RUNX1: variants seen among roughly 807,000 people sequenced by gnomAD.
RUNX1 encodes runt-related transcription factor 1.
RUNX1 carries 19 observed loss-of-function variants against 42.8 expected under a neutral mutation model. The observed-to-expected ratio is 0.44, with a 90% CI of 0.31 to 0.65. RUNX1 has a LOEUF of 0.65. Among genes scored for constraint, RUNX1 ranks in the 30% least tolerant of loss-of-function variants. The probability of loss-of-function intolerance (pLI) is 0.07; values close to 1 mark genes in which losing one functional copy is unlikely to be tolerated. For synonymous variants in RUNX1, 271 were observed against 289.4 expected (o/e 0.94, Z 0.64); for missense variants, 528 against 672.0 (o/e 0.79, Z 2.37).
chr21:34,896,566 C>T (rs904130859), intron 2 of RUNX1, among the ~76,000 whole-genome samples: 1 of 152,050 alleles, frequency 6.6e-6, no homozygotes, highest in African/African-American at 2.4e-5. Context: ...ACCTGTAATC[C>T]CAGCTATTCA....
At chr21:34,891,664 C>A (rs1466459371) in intron 3 of RUNX1, among the ~76,000 whole-genome samples, 1 of 151,412 alleles carries the variant, frequency 6.6e-6, no homozygotes, top group African/African-American at 2.4e-5. Flanking sequence ...CCCAGTGTTT[C>A]CCTGGAGTAA....
chr21:35,047,549 A>ACT (rs1262198638), intron 2 of RUNX1, among the ~76,000 whole-genome samples: 376 of 107,390 alleles, frequency 3.5e-3, no homozygotes, highest in Middle Eastern at 5.3e-3. Flanking sequence ...ACACACACAC[A>ACT]CACACACACA....
chr21:35,039,598 C>G (rs1263318214), intron 2 of RUNX1, among the ~76,000 whole-genome samples: 1 of 152,032 alleles, frequency 6.6e-6, no homozygotes, highest in Admixed American at 6.5e-5. Flanking sequence ...TCTCAGGGTT[C>G]ACTTATTTTT....
At chr21:34,892,873 A>G in intron 3 of RUNX1, 52 bp downstream of exon 3, 1 of 1,026,288 alleles carries the variant, frequency 9.7e-7, no homozygotes, top group East Asian at 2.4e-5. Context: ...TCATATACAC[A>G]TCTATGAAGG....
chr21:35,041,156 G>A (rs765458564), intron 2 of RUNX1, among the ~76,000 whole-genome samples: 4 of 152,136 alleles, frequency 2.6e-5, no homozygotes, highest in South Asian at 2.1e-4. Context: ...CAGTCTCTAC[G>A]GAGGGTATTC....
At chr21:34,991,490 GA>G (rs1224582672) in intron 2 of RUNX1, among the ~76,000 whole-genome samples, 1 of 152,164 alleles carries the variant, frequency 6.6e-6, no homozygotes, top group Admixed American at 6.5e-5. Context: ...GACTTTATCT[GA>G]CCAAACTGCA....
At chr21:34,832,472 A>G (rs2146060201) in intron 7 of RUNX1, among the ~76,000 whole-genome samples, 1 of 152,338 alleles carries the variant, frequency 6.6e-6, no homozygotes, top group Middle Eastern at 3.4e-3. Context: ...ATATCAGCAG[A>G]AAAAGGCAAA....
chr21:34,850,832 T>C (rs987478920), intron 6 of RUNX1, among the ~76,000 whole-genome samples: 6 of 152,248 alleles, frequency 3.9e-5, no homozygotes, highest in African/African-American at 1.4e-4. Context: ...GGCAACTTCA[T>C]GAATTTTTAA....
At chr21:34,856,115 A>G (rs1319762773) in intron 6 of RUNX1, among the ~76,000 whole-genome samples, 3 of 152,142 alleles carry the variant, frequency 2.0e-5, no homozygotes, top group Non-Finnish European at 2.9e-5. Context: ...CAGCTTCACC[A>G]CTGAAAACCC....
In RUNX1 at chr21:34,984,918, C is replaced by T. The variant is rs140066509; in HGVS notation, c.58+63924G>A. 9.9e-4 allele frequency among the ~76,000 whole-genome samples: 150 copies of T among 152,254 alleles called. 1 individual carries two copies. The highest frequency in any genetic ancestry group is 5.0e-3 in the Admixed American group (76 of 15,298). ...GAATACAGGGGTGACAGGATCTTCC[C>T]AGAGGACAGGCTGCATGGTATGGGG... On this transcript the variant is annotated intron_variant, in intron 2 of 8. Transcript: ENST00000675419.
At chr21:35,024,034 A>C (rs2059218699) in intron 2 of RUNX1, among the ~76,000 whole-genome samples, 1 of 151,936 alleles carries the variant, frequency 6.6e-6, no homozygotes, top group Non-Finnish European at 1.5e-5. Flanking sequence ...TAAACAAATA[A>C]ATATTTAGCC....
chr21:34,906,579 T>G (rs1228422812), intron 2 of RUNX1, among the ~76,000 whole-genome samples: 1 of 152,154 alleles, frequency 6.6e-6, no homozygotes, highest in Non-Finnish European at 1.5e-5. Context: ...CAAGGCCACA[T>G]AGAGATGGAG....
chr21:34,925,507 G>C (rs781100184), intron 2 of RUNX1, among the ~76,000 whole-genome samples: 4 of 152,174 alleles, frequency 2.6e-5, no homozygotes, highest in Non-Finnish European at 5.9e-5. Context: ...CAAAGGCAGA[G>C]ACTGAAGTGA....
chr21:34,876,209 T>A (rs1224919907), intron 5 of RUNX1, among the ~76,000 whole-genome samples: 1 of 152,178 alleles, frequency 6.6e-6, no homozygotes, highest in Non-Finnish European at 1.5e-5. Flanking sequence ...CCCTCCCCTT[T>A]ACCCGTGATG....
chr21:34,876,305 C>T (rs908973815), intron 5 of RUNX1, among the ~76,000 whole-genome samples: 8 of 152,294 alleles, frequency 5.3e-5, no homozygotes, highest in East Asian at 1.9e-4. Flanking sequence ...AACCAGACCC[C>T]GGCGATAACA....
intron 2 of RUNX1, among the ~76,000 whole-genome samples, chr21:34,938,710 A>C (rs959568612): frequency 1.3e-5 from 2 of 152,158 alleles, no homozygotes. Context: ...CCTTCATTAA[A>C]ACCTCTGTAA....
chr21:34,893,862 T>A (rs890073902), intron 2 of RUNX1, among the ~76,000 whole-genome samples: 4 of 152,076 alleles, frequency 2.6e-5, no homozygotes, highest in African/African-American at 9.7e-5. Flanking sequence ...AAAACAAGAT[T>A]TGCAGCTTCT....
At chr21:34,893,373 A>G (rs2058102027) in intron 2 of RUNX1, among the ~76,000 whole-genome samples, 1 of 152,198 alleles carries the variant, frequency 6.6e-6, no homozygotes, top group Non-Finnish European at 1.5e-5. Flanking sequence ...TTCCAATGAT[A>G]GGACATTTTA....
Position 35,030,903 on chromosome 21 carries a change from A to G in RUNX1, c.58+17939T>C, listed in dbSNP as rs148404689. On this transcript the variant is annotated intron_variant, in intron 2 of 8. Coordinates refer to ENST00000675419, the MANE Select transcript of RUNX1 (RefSeq NM_001754.5). Reference sequence around the variant, plus strand: ...CAAGGAAATAAATAATGTGATTTAAAAACTGGGCAAAGGACCTGAAAAAAA... The same window carrying G: ...CAAGGAAATAAATAATGTGATTTAAGAACTGGGCAAAGGACCTGAAAAAAA... Among the ~76,000 whole-genome samples, 8 of 152,356 alleles carry G rather than the reference A, an allele frequency of 5.3e-5. No homozygotes were observed. In the East Asian group the frequency reaches 9.6e-4, roughly 18 times the overall value.
Sources: gnomAD v4.1 joint callset for allele counts (sites outside exome capture counted in the v4.1 genomes callset) on GRCh38, gnomAD v4.1.1 for gene constraint, MANE v1.5 for transcripts, NCBI Gene and HGNC (gene_info 2026-07-23, HGNC 2026-07-21) for gene names.